The following DACH1 variants were observed in gnomAD, a reference collection of about 807,000 sequenced individuals.
The protein encoded by DACH1 is dachshund homolog 1.
Under a neutral mutation model 54.2 loss-of-function variants are expected in DACH1, and 12 were observed. The observed-to-expected ratio is 0.22, with a 90% confidence interval of 0.14 to 0.36. DACH1 has a LOEUF of 0.36. DACH1 is among the 10% of genes least tolerant of loss of function. The probability of loss-of-function intolerance (pLI) is 1.00; values close to 1 mark genes in which losing one functional copy is unlikely to be tolerated. For synonymous variants in DACH1, 386 were observed against 366.2 expected (o/e 1.05, Z -0.62); for missense variants, 805 against 929.8 (o/e 0.87, Z 1.75).
chr13:71,840,783 C>A (rs1872786693), intron 1 of DACH1, among the ~76,000 whole-genome samples: 1 of 152,114 alleles, frequency 6.6e-6, no homozygotes, highest in African/African-American at 2.4e-5. Context: ...AATATCTGAG[C>A]AGATAAATTT....
intron 1 of DACH1, among the ~76,000 whole-genome samples, chr13:71,688,089 A>C (rs2138716326): frequency 6.6e-6 from 1 of 152,316 alleles, no homozygotes; most frequent in East Asian, 1.9e-4. Flanking sequence ...TGAGTTCTAA[A>C]ATATCTGCTA....
intron 7 of DACH1, among the ~76,000 whole-genome samples, chr13:71,485,068 A>T (rs907109425): frequency 6.6e-6 from 1 of 152,038 alleles, no homozygotes; most frequent in Non-Finnish European, 1.5e-5. Context: ...ATTTAAAAAA[A>T]AAAAAAGAAA....
intron 1 of DACH1, among the ~76,000 whole-genome samples, chr13:71,811,248 G>A (rs1887696915): frequency 6.6e-6 from 1 of 152,002 alleles, no homozygotes; most frequent in African/African-American, 2.4e-5. Context: ...TTTAAGACTA[G>A]TGTTACTGCT....
chr13:71,733,340 G>A (rs1046777819), intron 1 of DACH1, among the ~76,000 whole-genome samples: 1 of 151,826 alleles, frequency 6.6e-6, no homozygotes, highest in Admixed American at 6.6e-5. Flanking sequence ...TTTTTTGTTT[G>A]CTTGTTTGTT....
intron 1 of DACH1, among the ~76,000 whole-genome samples, chr13:71,852,085 T>C (rs190419885): frequency 1.3e-5 from 2 of 152,342 alleles, no homozygotes; most frequent in East Asian, 1.9e-4. Flanking sequence ...TTCTAATCAC[T>C]GTTGAAATCA....
chr13:71,616,057 A>AAAACAAAC (rs74716699), intron 3 of DACH1, among the ~76,000 whole-genome samples: 3 of 152,170 alleles, frequency 2.0e-5, no homozygotes, highest in Admixed American at 2.0e-4. Flanking sequence ...AACAATGGCA[A>AAAACAAAC]AAACAAACAA....
chr13:71,583,263 C>T (rs1872976555), intron 3 of DACH1, among the ~76,000 whole-genome samples: 1 of 152,078 alleles, frequency 6.6e-6, no homozygotes, highest in South Asian at 2.1e-4. Flanking sequence ...GAAAAGACAA[C>T]AACTCAGGAT....
intron 3 of DACH1, among the ~76,000 whole-genome samples, chr13:71,601,230 G>A (rs1593965497): frequency 6.6e-6 from 1 of 152,008 alleles, no homozygotes; most frequent in East Asian, 1.9e-4. Flanking sequence ...AAGCAAGCTG[G>A]ACAAGAACAT....
chr13:71,802,996 T>C (rs1234678024), intron 1 of DACH1, among the ~76,000 whole-genome samples: 1 of 152,120 alleles, frequency 6.6e-6, no homozygotes, highest in East Asian at 1.9e-4. Context: ...TTATAGAAAA[T>C]AAACTTTTCT....
chr13:71,617,043 G>A (rs1428741947), intron 3 of DACH1, among the ~76,000 whole-genome samples: 3 of 151,796 alleles, frequency 2.0e-5, no homozygotes, highest in Non-Finnish European at 4.4e-5. Context: ...CATCACGCCC[G>A]GCTTTATTAG....
chr13:71,440,141 G>GA lies in DACH1; in HGVS notation c.*513dup, dbSNP rs2138090719. On this transcript the variant is annotated 3_prime_UTR_variant, in exon 11 of 11. Transcript: ENST00000613252. ...AGAGAGTTTGAAATTGAATGTAACA[G>GA]AAAATCACTCTTGCATTTTTTTTTT... 1 of 151,758 alleles carries GA rather than the reference G, an allele frequency of 6.6e-6. No individual in the cohort carries two copies. The allele number at this position is 151,758 out of a possible 1,614,324, so 9.4% of individuals were successfully genotyped here.
intron 1 of DACH1, among the ~76,000 whole-genome samples, chr13:71,863,987 A>G (rs947515329): frequency 3.3e-5 from 5 of 152,110 alleles, no homozygotes; most frequent in African/African-American, 1.2e-4. Context: ...AGCTTTCTTC[A>G]TAACTCCAGA....
intron 1 of DACH1, among the ~76,000 whole-genome samples, chr13:71,781,124 G>A (rs1486425302): frequency 6.6e-6 from 1 of 151,978 alleles, no homozygotes; most frequent in South Asian, 2.1e-4. Context: ...GACAGAGCGA[G>A]ATTTTGTTAT....
chr13:71,851,640 C>T (rs1873674589), intron 1 of DACH1, among the ~76,000 whole-genome samples: 2 of 152,104 alleles, frequency 1.3e-5, no homozygotes, highest in Non-Finnish European at 2.9e-5. Context: ...CAGCAAATCC[C>T]AGCGTAGCAC....
In DACH1 at chr13:71,504,719, C is replaced by T. The variant is rs149548355; in HGVS notation, c.1571-15571G>A. Among the ~76,000 whole-genome samples the T allele has an allele frequency of 4.7e-3, 714 of 152,218 alleles. 4 individuals are homozygous for T. The highest frequency in any genetic ancestry group is 0.016 in the African/African-American group (674 of 41,532). ...ATGGATGTATCATGAGAATATAGAA[C>T]CATTTCATTCTTATGTAACCAGTGA... On this transcript the variant is annotated intron_variant, in intron 6 of 10. Coordinates refer to ENST00000613252, the MANE Select transcript of DACH1 (RefSeq NM_080759.6).
At chr13:71,509,968 TAC>T (rs1334724429) in intron 6 of DACH1, among the ~76,000 whole-genome samples, 8 of 152,236 alleles carry the variant, frequency 5.3e-5, no homozygotes, top group Admixed American at 2.6e-4. Flanking sequence ...CTAGTATAAC[TAC>T]TTTTATCAAA....
At chr13:71,445,614 C>T (rs1593704165) in intron 10 of DACH1, among the ~76,000 whole-genome samples, 1 of 152,322 alleles carries the variant, frequency 6.6e-6, no homozygotes, top group East Asian at 1.9e-4. Flanking sequence ...CACGCACAGA[C>T]AGACCCTTGA....
At chr13:71,495,230 C>T (rs1879305060) in intron 6 of DACH1, among the ~76,000 whole-genome samples, 1 of 152,018 alleles carries the variant, frequency 6.6e-6, no homozygotes, top group Non-Finnish European at 1.5e-5. Context: ...TGGAAAATAT[C>T]TCCATGTTTA....
intron 1 of DACH1, among the ~76,000 whole-genome samples, chr13:71,803,398 T>C (rs759690684): frequency 4.1e-4 from 62 of 152,292 alleles, no homozygotes; most frequent in Non-Finnish European, 7.2e-4. Flanking sequence ...GAATTGGAAC[T>C]GTCACTTCTT....
Sources: gnomAD v4.1 joint callset for allele counts (sites outside exome capture counted in the v4.1 genomes callset) on GRCh38, gnomAD v4.1.1 for gene constraint, MANE v1.5 for transcripts, NCBI Gene and HGNC (gene_info 2026-07-23, HGNC 2026-07-21) for gene names.